Variants in TRIM37 observed in about 807,000 individuals in gnomAD.
TRIM37 encodes tripartite motif containing 37, also known as E3 ubiquitin-protein ligase TRIM37.
In TRIM37, 80 loss-of-function variants were observed where a neutral mutation model predicts 129.8. The observed-to-expected ratio is 0.62, with a 90% CI of 0.51 to 0.74. The LOEUF is 0.74. Among genes scored for constraint, TRIM37 ranks in the 30% least tolerant of loss-of-function variants. The pLI, the probability that TRIM37 is intolerant of heterozygous loss-of-function variation, is 0.00. For synonymous variants in TRIM37, 389 were observed against 387.1 expected, an observed-to-expected ratio of 1.00 and a Z score of -0.06; for missense variants, 1,054 against 1,176.5, an observed-to-expected ratio of 0.90 and a Z score of 1.52.
At chr17:59,023,829 A>T (rs1395283701) in intron 19 of TRIM37, among the ~76,000 whole-genome samples, 2 of 152,210 alleles carry the variant, frequency 1.3e-5, no homozygotes, top group African/African-American at 4.8e-5. Flanking sequence ...TACAAAAAGT[A>T]AGCAGAAAAT....
chr17:58,991,204 T>C (rs1044179243), intron 24 of TRIM37, among the ~76,000 whole-genome samples: 112 of 150,202 alleles, frequency 7.5e-4, no homozygotes, highest in African/African-American at 2.6e-3. Flanking sequence ...GAAAAAAGTT[T>C]CCTCCTAGTT....
At chr17:59,023,147 C>T (rs1257352371) in intron 19 of TRIM37, among the ~76,000 whole-genome samples, 2 of 152,258 alleles carry the variant, frequency 1.3e-5, no homozygotes, top group African/African-American at 4.8e-5. Context: ...GCAATCTTGG[C>T]TCACTGCAAC....
intron 19 of TRIM37, among the ~76,000 whole-genome samples, chr17:59,019,203 G>A (rs767266188): frequency 6.6e-6 from 1 of 152,138 alleles, no homozygotes; most frequent in African/African-American, 2.4e-5. Context: ...GTACATGAAC[G>A]TTCATAGCAG....
intron 9 of TRIM37, among the ~76,000 whole-genome samples, chr17:59,065,640 T>C (rs1053836813): frequency 2.0e-5 from 3 of 152,352 alleles, no homozygotes; most frequent in East Asian, 3.9e-4. Context: ...GATGTTTTAA[T>C]AGTGTTATAA....
At chr17:59,032,344 T>C (rs1183851884) in intron 17 of TRIM37, among the ~76,000 whole-genome samples, 1 of 149,364 alleles carries the variant, frequency 6.7e-6, no homozygotes, top group Admixed American at 6.7e-5. Context: ...GCTAACAAGG[T>C]GAAACCCCGT....
chr17:59,046,367 C>G (rs1461805382), intron 16 of TRIM37, among the ~76,000 whole-genome samples: 1 of 152,102 alleles, frequency 6.6e-6, no homozygotes, highest in Non-Finnish European at 1.5e-5. Context: ...TGACATCATG[C>G]TCCACTCTGT....
At chr17:59,007,219 A>ACACCCACC (rs2034631439) in intron 22 of TRIM37, among the ~76,000 whole-genome samples, 2 of 7,730 alleles carry the variant, frequency 2.6e-4, no homozygotes, top group Middle Eastern at 0.071. Flanking sequence ...AAACCACCCC[A>ACACCCACC]CCCCCACCCA....
At chr17:59,020,163 G>A (rs547958909) in intron 19 of TRIM37, among the ~76,000 whole-genome samples, 287 of 141,976 alleles carry the variant, frequency 2.0e-3, no homozygotes, top group African/African-American at 7.4e-3. Context: ...CCCAAGAGAC[G>A]GAGGTTGCAG....
At chr17:59,055,969 C>T (rs148816443) in intron 13 of TRIM37, among the ~76,000 whole-genome samples, 1 of 152,246 alleles carries the variant, frequency 6.6e-6, no homozygotes, top group Non-Finnish European at 1.5e-5. Context: ...TTTTCGTCAA[C>T]TTTCATCTTG....
At chr17:59,023,831 G>A (rs1292966093) in intron 19 of TRIM37, among the ~76,000 whole-genome samples, 1 of 152,044 alleles carries the variant, frequency 6.6e-6, no homozygotes, top group Non-Finnish European at 1.5e-5. Flanking sequence ...CAAAAAGTAA[G>A]CAGAAAATGA....
chr17:59,079,623 A>C (rs2043095590), intron 7 of TRIM37, 131 bp downstream of exon 7: 1 of 1,156,874 alleles, frequency 8.6e-7, no homozygotes, highest in Non-Finnish European at 1.3e-6. Context: ...TTATCTGTCT[A>C]AATTGTAACA....
rs2038953396 is a variant in TRIM37, at chr17:59,039,766, A to G, written c.1753+2047T>C. Among the ~76,000 whole-genome samples, 3 of 152,228 alleles carry G rather than the reference A, an allele frequency of 2.0e-5. 1 individual carries two copies. In the South Asian group the frequency reaches 6.2e-4, roughly 32 times the overall value. The stretch of plus-strand genomic sequence containing the variant: ...AGGAATGACAGAAATAAGGCTAAGG[A>G]AACAAACAGGAATCCAGACACAAAG... On this transcript the variant is annotated intron_variant, in intron 17 of 23. Transcript: ENST00000262294.
At chr17:59,010,318 C>A (rs944703071) in intron 22 of TRIM37, among the ~76,000 whole-genome samples, 5 of 152,084 alleles carry the variant, frequency 3.3e-5, no homozygotes, top group African/African-American at 4.8e-5. Context: ...GCTAAACATT[C>A]CACAGTGCAG....
At chr17:59,028,323 A>G in intron 19 of TRIM37, 92 bp downstream of exon 19, 2 of 1,193,344 alleles carry the variant, frequency 1.7e-6, no homozygotes, top group African/African-American at 3.0e-5. Context: ...TCACTGGAAG[A>G]GTGGTATTTA....
At chr17:58,967,462 A>G in the TRIM37 span, among the ~76,000 whole-genome samples, 1 of 151,742 alleles carries the variant, frequency 6.6e-6, no homozygotes, top group East Asian at 1.9e-4. Context: ...AGGCTATAAA[A>G]TGTCATGCAC....
intron 9 of TRIM37, among the ~76,000 whole-genome samples, chr17:59,068,748 C>T (rs1389160119): frequency 1.3e-5 from 2 of 152,204 alleles, no homozygotes; most frequent in African/African-American, 4.8e-5. Context: ...ATGAGAACCA[C>T]TGGAGTTCTA....
At chr17:58,977,672 G>A, downstream of TRIM37, among the ~76,000 whole-genome samples, 1 of 152,188 alleles carries the variant, frequency 6.6e-6, no homozygotes. Context: ...ATTGGTTCTA[G>A]CAGAGTTATC....
chr17:59,009,007 C>T (rs2144797323), intron 22 of TRIM37, among the ~76,000 whole-genome samples: 1 of 152,336 alleles, frequency 6.6e-6, no homozygotes, highest in Non-Finnish European at 1.5e-5. Context: ...TGGCTAACTC[C>T]TACTCATCCC....
intron 2 of TRIM37, among the ~76,000 whole-genome samples, chr17:59,094,477 G>A (rs916949576): frequency 6.6e-6 from 1 of 151,994 alleles, no homozygotes; most frequent in African/African-American, 2.4e-5. Context: ...GGCACTTATG[G>A]ACCACATGAC....
Sources: gnomAD v4.1 joint callset for allele counts (sites outside exome capture counted in the v4.1 genomes callset) on GRCh38, gnomAD v4.1.1 for gene constraint, MANE v1.5 for transcripts, NCBI Gene and HGNC (gene_info 2026-07-23, HGNC 2026-07-21) for gene names.